The following RABEP1 variants were observed in gnomAD, a reference collection of about 807,000 sequenced individuals.
RABEP1 encodes the protein rabaptin, RAB GTPase binding effector protein 1.
RABEP1 carries 51 observed loss-of-function variants against 123.4 expected under a neutral mutation model. The ratio of observed to expected loss-of-function variants is 0.41; its 90% CI spans 0.33 to 0.52. The LOEUF is 0.52. Ranked by LOEUF, RABEP1 falls within the 20% of genes least tolerant of loss-of-function variation. The pLI, the probability that RABEP1 is intolerant of heterozygous loss-of-function variation, is 0.16. For synonymous variants in RABEP1, 347 were observed against 355.2 expected, an observed-to-expected ratio of 0.98 and a Z score of 0.26; for missense variants, 888 against 996.3, an observed-to-expected ratio of 0.89 and a Z score of 1.46.
intron 1 of RABEP1, among the ~76,000 whole-genome samples, chr17:5,291,975 T>C (rs534558480): frequency 6.6e-6 from 1 of 152,370 alleles, no homozygotes; most frequent in African/African-American, 2.4e-5. Flanking sequence ...TGATCATTTG[T>C]AAATTCTCGC....
intron 10 of RABEP1, among the ~76,000 whole-genome samples, chr17:5,363,385 A>T (rs1909736007): frequency 6.6e-6 from 1 of 151,670 alleles, no homozygotes. Flanking sequence ...ACCCCCAGCT[A>T]TTTTTTGTAT....
At chr17:5,355,705 A>G (rs887602851) in intron 8 of RABEP1, among the ~76,000 whole-genome samples, 1 of 152,162 alleles carries the variant, frequency 6.6e-6, no homozygotes, top group East Asian at 1.9e-4. Flanking sequence ...GCCATACATA[A>G]TCTACATCCT....
At chr17:5,307,991 G>T (rs1283067214) in intron 1 of RABEP1, among the ~76,000 whole-genome samples, 1 of 152,178 alleles carries the variant, frequency 6.6e-6, no homozygotes, top group Non-Finnish European at 1.5e-5. Flanking sequence ...GATTTTGCTT[G>T]TGACACTTGA....
rs1326785440 is a variant in RABEP1 at position 5,315,558 on chromosome 17, T to G, written c.163+6736T>G. Among the ~76,000 whole-genome samples the G allele has an allele frequency of 2.0e-5, 3 of 152,218 alleles. No homozygotes were observed. In the East Asian group the frequency reaches 5.8e-4, roughly 29 times the overall value. ...ACTGAGTACCAAACAGGAAAAATAA[T>G]AGTAAATTCAGGCCGGGCATGGTGG... On this transcript the variant is annotated intron_variant, in intron 2 of 17. Transcript: ENST00000537505.
intron 17 of RABEP1, 49 bp downstream of exon 17, chr17:5,381,554 G>A: frequency 3.2e-6 from 5 of 1,580,486 alleles, no homozygotes; most frequent in Non-Finnish European, 3.4e-6. Flanking sequence ...AGTTTTGGGG[G>A]ACAGAACCTT....
chr17:5,384,544 A>G lies in RABEP1; in HGVS notation c.*1321A>G, dbSNP rs1374647273. 4.6e-6 allele frequency: 1 copy of G among 215,858 alleles called. No homozygotes were observed. Among genetic ancestry groups the G allele is most frequent in the Non-Finnish European group, 9.3e-6 (1 of 107,378 alleles). The allele number at this position is 215,858 out of a possible 1,614,324, so 13.4% of individuals were successfully genotyped here. ...CTAGGTAGATTGTTTTGTTCACATAACGCCACCATCAACTTAAAGTGAATT... is the reference window on the plus strand; with the variant it reads ...CTAGGTAGATTGTTTTGTTCACATAGCGCCACCATCAACTTAAAGTGAATT... On this transcript the variant is annotated 3_prime_UTR_variant, in exon 18 of 18. Coordinates refer to ENST00000537505, the MANE Select transcript of RABEP1 (RefSeq NM_004703.6).
At chr17:5,317,594 AAAAGG>A (rs373123942) in intron 2 of RABEP1, among the ~76,000 whole-genome samples, 5 of 149,854 alleles carry the variant, frequency 3.3e-5, no homozygotes, top group East Asian at 3.9e-4. Context: ...GAAAGAAAGA[AAAAGG>A]AAAGGAAAGG....
intron 3 of RABEP1, among the ~76,000 whole-genome samples, chr17:5,334,051 T>G (rs78678904): frequency 1.2e-5 from 1 of 85,456 alleles, no homozygotes; most frequent in Non-Finnish European, 2.3e-5. Flanking sequence ...TACCTAGTGG[T>G]TTTTTTTTTT....
At chr17:5,357,116 T>G (rs1177272282) in intron 8 of RABEP1, among the ~76,000 whole-genome samples, 1 of 152,128 alleles carries the variant, frequency 6.6e-6, no homozygotes, top group Non-Finnish European at 1.5e-5. Context: ...GATCTCGTGA[T>G]CCACCCACCT....
chr17:5,300,807 G>C (rs2075129510), intron 1 of RABEP1, among the ~76,000 whole-genome samples: 1 of 152,184 alleles, frequency 6.6e-6, no homozygotes, highest in Non-Finnish European at 1.5e-5. Context: ...GGTCTAAGCA[G>C]AAAAGGTATT....
At chr17:5,368,939 T>A (rs1396842870) in intron 12 of RABEP1, among the ~76,000 whole-genome samples, 1 of 152,084 alleles carries the variant, frequency 6.6e-6, no homozygotes, top group Non-Finnish European at 1.5e-5. Context: ...AAACCCCATC[T>A]GTACTAAAAA....
intron 1 of RABEP1, among the ~76,000 whole-genome samples, chr17:5,282,831 C>T (rs554504542): frequency 6.3e-4 from 95 of 151,710 alleles, no homozygotes; most frequent in African/African-American, 2.1e-3. Flanking sequence ...GGGGGACCGG[C>T]ACGTGGGTTC....
chr17:5,308,839 C>T lies in RABEP1; in HGVS notation c.163+17C>T, dbSNP rs772706087. The T allele has an allele frequency of 1.3e-5, 21 of 1,580,150 alleles. No individual in the cohort carries two copies. The highest frequency in any genetic ancestry group is 1.5e-5 in the Non-Finnish European group (18 of 1,162,388). On this transcript the variant is annotated intron_variant, in intron 2 of 17. Coordinates refer to ENST00000537505, the MANE Select transcript of RABEP1 (RefSeq NM_004703.6). Reference sequence around the variant, plus strand: ...CTAAAGAGGGTAAGTTCATAAGTCTCGCACCAACTTCAATGCGAAAACTGC... The same window carrying T: ...CTAAAGAGGGTAAGTTCATAAGTCTTGCACCAACTTCAATGCGAAAACTGC...
At chr17:5,321,568 C>T (rs1218894517) in intron 2 of RABEP1, among the ~76,000 whole-genome samples, 2 of 152,140 alleles carry the variant, frequency 1.3e-5, no homozygotes, top group Admixed American at 1.3e-4. Context: ...CGTATTTGTG[C>T]CTCTGCACTC....
At chr17:5,338,770 T>A (rs1050171858) in intron 5 of RABEP1, among the ~76,000 whole-genome samples, 4 of 152,180 alleles carry the variant, frequency 2.6e-5, no homozygotes, top group Non-Finnish European at 5.9e-5. Context: ...GTTGACCTTG[T>A]TTTCTGATGC....
chr17:5,386,243 T>G lies in RABEP1; in HGVS notation c.*3020T>G, dbSNP rs1911960263. The G allele has an allele frequency of 6.2e-7, 1 of 1,613,282 alleles. No individual in the cohort carries two copies. On this transcript the variant is annotated 3_prime_UTR_variant, in exon 18 of 18. Transcript: ENST00000537505. ...ATGATTGCGGATATCATTGATTTGCTTCACCATTTCCCTTATATGTTCACC... is the reference window on the plus strand; with the variant it reads ...ATGATTGCGGATATCATTGATTTGCGTCACCATTTCCCTTATATGTTCACC...
intron 2 of RABEP1, among the ~76,000 whole-genome samples, chr17:5,309,632 G>T (rs1264662052): frequency 2.1e-5 from 3 of 141,626 alleles, no homozygotes; most frequent in Admixed American, 1.5e-4. Flanking sequence ...CAGCGTGGGC[G>T]ACAAGAGTGA....
At chr17:5,353,072 A>G (rs1908702575) in intron 7 of RABEP1, among the ~76,000 whole-genome samples, 1 of 152,148 alleles carries the variant, frequency 6.6e-6, no homozygotes, top group Non-Finnish European at 1.5e-5. Flanking sequence ...GGCTTGAACA[A>G]TCTCTGATTC....
intron 2 of RABEP1, among the ~76,000 whole-genome samples, chr17:5,316,845 A>G (rs1191354482): frequency 6.6e-6 from 1 of 151,098 alleles, no homozygotes; most frequent in African/African-American, 2.4e-5. Flanking sequence ...AAAAAAAAAA[A>G]AAAAAAAAAA....
Sources: gnomAD v4.1 joint callset for allele counts (sites outside exome capture counted in the v4.1 genomes callset) on GRCh38, gnomAD v4.1.1 for gene constraint, MANE v1.5 for transcripts, NCBI Gene and HGNC (gene_info 2026-07-23, HGNC 2026-07-21) for gene names.